KIF11: variants seen among roughly 807,000 people sequenced by gnomAD.
KIF11 encodes the protein kinesin family member 11.
KIF11 carries 9 observed loss-of-function variants against 121.0 expected under a neutral mutation model. The ratio of observed to expected loss-of-function variants is 0.07; its 90% CI spans 0.04 to 0.13. The LOEUF (loss-of-function observed/expected upper bound fraction) is 0.13. KIF11 is among the 10% of genes least tolerant of loss of function. KIF11 has a pLI of 1.00. For synonymous variants in KIF11, 408 were observed against 421.0 expected, an observed-to-expected ratio of 0.97 and a Z score of 0.38; for missense variants, 846 against 1,217.5, an observed-to-expected ratio of 0.69 and a Z score of 4.54.
chr10:92,595,847 C>T (rs949153303), intron 1 of KIF11, among the ~76,000 whole-genome samples: 2 of 152,176 alleles, frequency 1.3e-5, no homozygotes, highest in Non-Finnish European at 2.9e-5. Context: ...GTGACTTGCT[C>T]ATTCCACTTA....
chr10:92,610,766 T>A (rs1359420687), intron 6 of KIF11, among the ~76,000 whole-genome samples: 1 of 152,156 alleles, frequency 6.6e-6, no homozygotes, highest in Non-Finnish European at 1.5e-5. Context: ...TAAAATGCCA[T>A]AACAATTACA....
rs901466346 is a variant in KIF11 at position 92,593,271 on chromosome 10, C to T, written c.-105C>T. 2.5e-6 allele frequency: 3 copies of T among 1,204,756 alleles called. No individual in the cohort carries two copies. The highest frequency in any genetic ancestry group is 4.9e-5 in the Admixed American group (2 of 41,104). 74.6% of individuals were successfully genotyped at this position (1,204,756 alleles called of 1,614,324 possible). ...CGGTCCTCCAGGCCACGCCAGCGCC[C>T]GAGAGGGACCAGGGAGACTCCGGCC... is the stretch of plus-strand genomic sequence containing the variant. On this transcript the variant is annotated 5_prime_UTR_variant, in exon 1 of 22. Coordinates refer to ENST00000260731, the MANE Select transcript of KIF11 (RefSeq NM_004523.4).
rs1275058575 is a variant in KIF11, at chr10:92,613,956, G to A, written c.1032+337G>A. ...ATGCAACTACACTCCAGCCTGGGTG[G>A]CAGAGGGAGACCCCATCTCAAAAAA... On this transcript the variant is annotated intron_variant, in intron 8 of 21. Coordinates refer to ENST00000260731, the MANE Select transcript of KIF11 (RefSeq NM_004523.4). This position sits in a 1 kb window ranked among gnomAD's most constrained non-coding sequence, Gnocchi z 4.2. Among the ~76,000 whole-genome samples the A allele has an allele frequency of 7.4e-5, 11 of 147,920 alleles. No individual in the cohort carries two copies. Among genetic ancestry groups the A allele is most frequent in the Non-Finnish European group, 1.5e-4 (10 of 67,490 alleles).
intron 11 of KIF11, among the ~76,000 whole-genome samples, chr10:92,629,149 T>G (rs1844708587): frequency 6.6e-6 from 1 of 151,716 alleles, no homozygotes; most frequent in Admixed American, 6.6e-5. Context: ...CCTGGCTAAT[T>G]TTTTTTGTAT....
chr10:92,646,728 C>A (rs556189161), intron 18 of KIF11, among the ~76,000 whole-genome samples: 1 of 152,076 alleles, frequency 6.6e-6, no homozygotes, highest in Non-Finnish European at 1.5e-5. Context: ...TTAAAACTTA[C>A]GAACTCATAA....
At chr10:92,643,060 C>T (rs766459115) in intron 17 of KIF11, among the ~76,000 whole-genome samples, 4 of 152,008 alleles carry the variant, frequency 2.6e-5, no homozygotes, top group Non-Finnish European at 5.9e-5. Context: ...TACAGGCACA[C>T]ACCACCATGC....
Position 92,606,398 on chromosome 10 carries a change from G to T in KIF11, c.210+1G>T. On this transcript the variant is annotated splice_donor_variant, in intron 2 of 21. Transcript: ENST00000260731. LOFTEE classifies it high-confidence loss of function. Reference sequence around the variant, plus strand: ...AAGGAAAACATACACTTTTGATATGGTAACATATGGTGCAATTTCTTTATT... The same window carrying T: ...AAGGAAAACATACACTTTTGATATGTTAACATATGGTGCAATTTCTTTATT... 1 of 1,589,410 alleles carries T rather than the reference G, an allele frequency of 6.3e-7. No homozygotes were observed.
intron 1 of KIF11, among the ~76,000 whole-genome samples, chr10:92,601,368 T>C (rs1047865945): frequency 6.8e-6 from 1 of 146,382 alleles, no homozygotes; most frequent in Admixed American, 6.9e-5. Context: ...AAACAGCTAA[T>C]TTTTTTTTTT....
At chr10:92,609,266 C>CGG (rs1429199616) in intron 5 of KIF11, 61 bp downstream of exon 5, 7 of 747,432 alleles carry the variant, frequency 9.4e-6, no homozygotes, top group Non-Finnish European at 1.0e-5. Flanking sequence ...TTTGAGAAGT[C>CGG]AGAGAGAGAG....
At position 92,654,591 on chromosome 10, in the gene KIF11, A is replaced by G. The variant is rs1845024739; in HGVS notation, c.*795A>G. Reference sequence around the variant, plus strand: ...TCACCAAACCATTTGTAGAGCTACAAAAGGTATCCTTTCTTATTTTCAGTA... The same window carrying G: ...TCACCAAACCATTTGTAGAGCTACAGAAGGTATCCTTTCTTATTTTCAGTA... On this transcript the variant is annotated 3_prime_UTR_variant, in exon 22 of 22. Transcript: ENST00000260731. The G allele has an allele frequency of 5.3e-5, 8 of 152,208 alleles. No individual in the cohort carries two copies. The highest frequency in any genetic ancestry group is 5.2e-4 in the Admixed American group (8 of 15,276). The allele number at this position is 152,208 out of a possible 1,614,324, so 9.4% of individuals were successfully genotyped here.
At chr10:92,634,523 C>T (rs1004487483) in intron 14 of KIF11, among the ~76,000 whole-genome samples, 1 of 151,956 alleles carries the variant, frequency 6.6e-6, no homozygotes, top group African/African-American at 2.4e-5. Context: ...ATCCACCCAC[C>T]TCGGCCTCCC....
At chr10:92,628,298 G>C (rs1844700624) in intron 10 of KIF11, among the ~76,000 whole-genome samples, 1 of 152,108 alleles carries the variant, frequency 6.6e-6, no homozygotes, top group Admixed American at 6.6e-5. Flanking sequence ...GCAGCAGCAG[G>C]GGGTGTAATT....
In KIF11 at chr10:92,651,507, G is replaced by GTATTTTT. The variant is rs1554863366; in HGVS notation, c.3039+991_3039+992insATTTTTT. On this transcript the variant is annotated intron_variant, in intron 21 of 21. Coordinates refer to ENST00000260731, the MANE Select transcript of KIF11 (RefSeq NM_004523.4). ...TGTGCCACCATGCCTGGCTAATTTT[G>GTATTTTT]TTTTTTTTTTTTTTTTTTTTTTTTT... Among the ~76,000 whole-genome samples the GTATTTTT allele has an allele frequency of 4.4e-3, 232 of 52,966 alleles. 41 individuals are homozygous for GTATTTTT. Among genetic ancestry groups the GTATTTTT allele is most frequent in the South Asian group, 5.8e-3 (6 of 1,032 alleles). 34.7% of individuals were successfully genotyped at this position (52,966 alleles called of 152,430 possible). A position where few individuals can be genotyped will look rare whatever the true frequency, so the allele number is the denominator to read the frequency against.
In KIF11 at chr10:92,613,152, A is replaced by G. The variant is rs1337381573; in HGVS notation, c.789+22A>G. ...CTTGGTAAGCATCCACCTTAATACT[A>G]CTGTTTCACTCTTAAACACCTTATA... On this transcript the variant is annotated intron_variant, in intron 7 of 21. Transcript: ENST00000260731. The surrounding 1 kb of genome is among the most constrained non-coding windows in gnomAD (Gnocchi z 4.2). 1 of 1,542,402 alleles carries G rather than the reference A, an allele frequency of 6.5e-7. No homozygotes were observed. Among genetic ancestry groups the G allele is most frequent in the South Asian group, 1.1e-5 (1 of 88,560 alleles).
intron 1 of KIF11, among the ~76,000 whole-genome samples, chr10:92,604,137 C>T (rs866811551): frequency 3.3e-5 from 5 of 151,998 alleles, no homozygotes; most frequent in Admixed American, 6.6e-5. Flanking sequence ...TGTGAGCAGC[C>T]GAAACTTTGC....
chr10:92,609,876 A>G (rs955670872), intron 6 of KIF11, among the ~76,000 whole-genome samples: 1 of 152,078 alleles, frequency 6.6e-6, no homozygotes, highest in Non-Finnish European at 1.5e-5. Context: ...AGCTGGGATT[A>G]CAGGTGTCTG....
chr10:92,646,289 C>T (rs1176548518), intron 18 of KIF11, among the ~76,000 whole-genome samples: 2 of 152,082 alleles, frequency 1.3e-5, no homozygotes, highest in African/African-American at 4.8e-5. Flanking sequence ...TACATTCAAA[C>T]CTATTATTAT....
intron 8 of KIF11, among the ~76,000 whole-genome samples, chr10:92,614,041 C>T (rs1037442577): frequency 3.5e-5 from 5 of 144,712 alleles, no homozygotes; most frequent in African/African-American, 1.0e-4. Context: ...CACACACACA[C>T]ACACACACAC....
intron 17 of KIF11, among the ~76,000 whole-genome samples, chr10:92,640,605 G>A (rs1018208365): frequency 1.3e-5 from 2 of 151,868 alleles, no homozygotes; most frequent in African/African-American, 4.8e-5. Context: ...CTAATTTTTT[G>A]TATTTTTAGT....
Sources: allele counts gnomAD v4.1 joint callset (sites outside exome capture counted in the v4.1 genomes callset), GRCh38; gene constraint gnomAD v4.1.1; non-coding constraint Gnocchi (gnomAD v3.1); transcripts MANE v1.5; gene names NCBI Gene and HGNC (gene_info 2026-07-23, HGNC 2026-07-21).